FAT1: variants seen among roughly 807,000 people sequenced by gnomAD.
The protein encoded by FAT1 is protocadherin Fat 1.
Under a neutral mutation model 329.8 loss-of-function variants are expected in FAT1, and 171 were observed. The observed-to-expected ratio is 0.52, with a 90% confidence interval of 0.46 to 0.59. The LOEUF (loss-of-function observed/expected upper bound fraction) is 0.59. Ranked by LOEUF, FAT1 falls within the 20% of genes least tolerant of loss-of-function variation. FAT1 has a pLI of 0.00. For missense variants in FAT1, 5,672 were observed against 5,774.4 expected, an observed-to-expected ratio of 0.98 and a Z score of 0.57; for synonymous variants, 2,233 against 2,228.6, an observed-to-expected ratio of 1.00 and a Z score of -0.06.
rs140656949 is a variant in FAT1, at chr4:186,599,068, A to G, written c.12103+830T>C. Among the ~76,000 whole-genome samples the G allele has an allele frequency of 7.4e-3, 1,122 of 152,304 alleles. 8 individuals carry two copies. Among genetic ancestry groups the G allele is most frequent in the Non-Finnish European group, 0.011 (732 of 68,032 alleles). On this transcript the variant is annotated intron_variant, in intron 22 of 26. Coordinates refer to ENST00000441802, the MANE Select transcript of FAT1 (RefSeq NM_005245.4). ...CGGGACCATGGGAGTGCATGTCAGG[A>G]AAGCACCTCTCTCAGCCTCATCCCT...
chr4:186,706,079 A>G (rs1744572764), intron 2 of FAT1, among the ~76,000 whole-genome samples: 2 of 152,200 alleles, frequency 1.3e-5, no homozygotes, highest in African/African-American at 4.8e-5. Context: ...TGAAGACCAC[A>G]TTAGAGAAGT....
In FAT1 at chr4:186,675,822, CACAATT is replaced by C. The variant is rs1371483690; in HGVS notation, c.3266-12215_3266-12210del. Among the ~76,000 whole-genome samples, 11 of 136,342 alleles carry C rather than the reference CACAATT, an allele frequency of 8.1e-5. No homozygotes were observed. The East Asian group carries it at 2.7e-3, about 33-fold the overall frequency. The allele number at this position is 136,342 out of a possible 152,430, so 89.4% of individuals were successfully genotyped here. Reference sequence around the variant, plus strand: ...ACACACACACACACACACACACACACACAATTAATTTTTAAAAGCTGTACCTTATTT... The same window carrying C: ...ACACACACACACACACACACACACACAATTTTTAAAAGCTGTACCTTATTT... On this transcript the variant is annotated intron_variant, in intron 2 of 26. Transcript: ENST00000441802.
Position 186,636,756 on chromosome 4 carries a change from T to C in FAT1, c.3801A>G (p.Arg1267=). The change falls in exon 5 of 27, where the codon AGA becomes AGG. Residue 1267 remains arginine, a synonymous_variant. Transcript: ENST00000441802. ...REKPDRERNA[R]REPLYHVIAT... ...CTATGACGTGATAGAGCGGCTCCCG[T>C]CTGGCATTTCTTTCTCGGTCTGGCT... 6.2e-7 allele frequency: 1 copy of C among 1,613,932 alleles called. No homozygotes were observed. Among genetic ancestry groups the C allele is most frequent in the Non-Finnish European group, 8.5e-7 (1 of 1,179,852 alleles).
chr4:186,591,281 C>T (rs1738228118), intron 26 of FAT1, among the ~76,000 whole-genome samples: 1 of 152,200 alleles, frequency 6.6e-6, no homozygotes, highest in African/African-American at 2.4e-5. Context: ...ATTTTTTAAA[C>T]AAGGCTTTCT....
intron 2 of FAT1, among the ~76,000 whole-genome samples, chr4:186,667,383 T>C (rs900730773): frequency 6.6e-6 from 1 of 152,350 alleles, no homozygotes; most frequent in South Asian, 2.1e-4. Context: ...AAAGCGACTC[T>C]ATTCAAATAT....
At chr4:186,672,610 C>T (rs536233633) in intron 2 of FAT1, among the ~76,000 whole-genome samples, 3 of 152,300 alleles carry the variant, frequency 2.0e-5, no homozygotes, top group African/African-American at 7.2e-5. Flanking sequence ...AGAAGAACTT[C>T]TTATACATCA....
Position 186,619,556 on chromosome 4 carries a change from G to C in FAT1, c.7030C>G (p.Leu2344Val), listed in dbSNP as rs1325935358. 6.2e-7 allele frequency: 1 copy of C among 1,613,956 alleles called. No individual in the cohort carries two copies. The highest frequency in any genetic ancestry group is 8.5e-7 in the Non-Finnish European group (1 of 1,179,898). The change falls in exon 10 of 27, where the codon CTA (leucine) becomes GTA (valine). Residue 2344 changes from leucine (L) to valine (V), a missense_variant. Physicochemically the swap from Leu to Val is conservative, Grantham distance 32. Transcript: ENST00000441802. ...HVDSSTGLIS[L>V]LRTLDYEQSR... is the part of the protein sequence containing the mutation. ...TGCTCGTAATCCAGGGTTCTGAGTA[G>C]TGAGATGAGGCCAGTGCTGCTGTCT...
chr4:186,610,576 TTATAAATATAAATTA>T (rs1214347135), intron 14 of FAT1, among the ~76,000 whole-genome samples: 4 of 142,890 alleles, frequency 2.8e-5, no homozygotes, highest in Middle Eastern at 3.6e-3. Context: ...AATAATTTTA[TTATAAATATAAATTA>T]TATAAATATA....
chr4:186,704,649 C>A (rs1744484944), intron 2 of FAT1, among the ~76,000 whole-genome samples: 1 of 152,180 alleles, frequency 6.6e-6, no homozygotes, highest in Non-Finnish European at 1.5e-5. Context: ...CAGTTTGACT[C>A]AGCTTCAGTT....
chr4:186,698,046 G>C (rs1273155648), intron 2 of FAT1, among the ~76,000 whole-genome samples: 1 of 152,170 alleles, frequency 6.6e-6, no homozygotes, highest in Non-Finnish European at 1.5e-5. Context: ...AGGCGTCCAG[G>C]GTGGCAGAAA....
chr4:186,687,264 T>A (rs1743516489), intron 2 of FAT1, among the ~76,000 whole-genome samples: 1 of 152,202 alleles, frequency 6.6e-6, no homozygotes, highest in South Asian at 2.1e-4. Flanking sequence ...TGAATTAGTA[T>A]TTTCCACTCA....
chr4:186,719,860 T>G lies in FAT1; in HGVS notation c.-19+3804A>C, dbSNP rs560703430. Among the ~76,000 whole-genome samples, 10 of 152,360 alleles carry G rather than the reference T, an allele frequency of 6.6e-5. No individual in the cohort carries two copies. In the East Asian group the frequency reaches 1.7e-3, roughly 26 times the overall value. Reference sequence around the variant, plus strand: ...TGGGTATTTTGTTCATGCAGAGTATTCCTACAGTCTTTTGGTATTCCTGCT... The same window carrying G: ...TGGGTATTTTGTTCATGCAGAGTATGCCTACAGTCTTTTGGTATTCCTGCT... On this transcript the variant is annotated intron_variant, in intron 1 of 26. Transcript: ENST00000441802.
chr4:186,603,636 A>T lies in FAT1; in HGVS notation c.10890T>A (p.His3630Gln), dbSNP rs1030789190. The change falls in exon 19 of 27, where the codon CAT becomes CAA. Residue 3630 changes from histidine (H) to glutamine (Q), a missense_variant. Coordinates refer to ENST00000441802, the MANE Select transcript of FAT1 (RefSeq NM_005245.4). ...ACATCTCCTGTGTGACTTGTCTGAT[A>T]TGCACTGTGATGTCGGCCACCGTCG... ...KFTTVADITV[H>Q]IRQVTQEMLN... 64 of 1,613,814 alleles carry T rather than the reference A, an allele frequency of 4.0e-5. No individual in the cohort carries two copies. The highest frequency in any genetic ancestry group is 5.3e-5 in the Non-Finnish European group (63 of 1,179,864).
In FAT1 at chr4:186,619,322, T is replaced by C. The variant is rs779021557; in HGVS notation, c.7264A>G (p.Ile2422Val). 1.2e-6 allele frequency: 2 copies of C among 1,614,066 alleles called. No homozygotes were observed. The highest frequency in any genetic ancestry group is 1.1e-5 in the South Asian group (1 of 91,092). ...VKAYDADSSDIDKLQYSILSG... is the reference protein window; with the variant it reads ...VKAYDADSSDVDKLQYSILSG... ...AGAATGGAATACTGCAACTTGTCTA[T>C]GTCTGAACTGTCTGCATCATAGGCT... Residue 2422 changes from isoleucine to valine, a missense_variant, in exon 10 of 27, where the codon ATA becomes GTA. This residue lies in a region of FAT1 where 3,966 missense variants were observed against 3,915.2 expected (regional missense o/e 1.01). Transcript: ENST00000441802.
intron 3 of FAT1, among the ~76,000 whole-genome samples, chr4:186,658,722 T>TAC (rs1742030199): frequency 6.6e-6 from 1 of 152,054 alleles, no homozygotes; most frequent in Admixed American, 6.5e-5. Context: ...TCCTACCTCC[T>TAC]CTCCATCAAT....
At position 186,600,356 on chromosome 4, in the gene FAT1, T is replaced by C; in HGVS notation, c.11645A>G (p.His3882Arg). The C allele has an allele frequency of 6.2e-7, 1 of 1,609,434 alleles. No individual in the cohort carries two copies. The change falls in exon 22 of 27, where the codon CAT becomes CGT. Residue 3882 changes from histidine (H) to arginine (R), a missense_variant. Physicochemically the swap from His to Arg is conservative, Grantham distance 29. Transcript: ENST00000441802. ...AAACTTGTACTGCAGCCTTCCATGA[T>C]GAATCTAGGATAAAAGCAATGACTG... ...RGTDYSILEIHHGRLQYKFDC... is the reference protein window; with the variant it reads ...RGTDYSILEIRHGRLQYKFDC...
intron 1 of FAT1, among the ~76,000 whole-genome samples, chr4:186,720,650 A>C (rs963513112): frequency 1.8e-4 from 28 of 152,156 alleles, no homozygotes; most frequent in African/African-American, 6.5e-4. Context: ...ACACTGGTCT[A>C]TAAGAGACTG....
chr4:186,709,461 G>T lies in FAT1; in HGVS notation c.367C>A (p.Leu123Ile). 3 of 1,613,914 alleles carry T rather than the reference G, an allele frequency of 1.9e-6. No individual in the cohort carries two copies. The highest frequency in any genetic ancestry group is 2.5e-6 in the Non-Finnish European group (3 of 1,179,874). The change falls in exon 2 of 27, where the codon CTT (leucine) becomes ATT (isoleucine). Residue 123 changes from leucine (L) to isoleucine (I), a missense_variant. This residue lies in a region of FAT1 where 3,966 missense variants were observed against 3,915.2 expected (regional missense o/e 1.01). Transcript: ENST00000441802. ...KDHYTLIVKA[L>I]EKNTNVEART... is the part of the protein sequence containing the mutation. ...GCCTCCACATTAGTATTTTTTTCAA[G>T]TGCTTTCACTATCAATGTGTAGTGA...
At chr4:186,673,416 T>C (rs1488190281) in intron 2 of FAT1, among the ~76,000 whole-genome samples, 1 of 152,246 alleles carries the variant, frequency 6.6e-6, no homozygotes, top group Non-Finnish European at 1.5e-5. Context: ...AGTAGATATA[T>C]GACAATGGAT....
Sources: allele counts gnomAD v4.1 joint callset (sites outside exome capture counted in the v4.1 genomes callset), GRCh38; gene constraint gnomAD v4.1.1; regional missense constraint gnomAD v4.1.1; transcripts MANE v1.5; gene names NCBI Gene and HGNC (gene_info 2026-07-23, HGNC 2026-07-21).